Variants in KCNN2 observed in about 807,000 individuals in gnomAD.
KCNN2 encodes the protein small conductance calcium-activated potassium channel protein 2.
Under a neutral mutation model 55.5 loss-of-function variants are expected in KCNN2, and 24 were observed. The observed-to-expected ratio is 0.43, with a 90% confidence interval of 0.31 to 0.61. The LOEUF (loss-of-function observed/expected upper bound fraction) is 0.61. KCNN2 is among the 20% of genes least tolerant of loss of function. KCNN2 has a pLI of 0.08. For missense variants in KCNN2, 754 were observed against 853.6 expected, an observed-to-expected ratio of 0.88 and a Z score of 1.45; for synonymous variants, 431 against 336.1, an observed-to-expected ratio of 1.28 and a Z score of -3.09.
At chr5:114,113,875 G>T (rs945815562) in intron 1 of KCNN2, among the ~76,000 whole-genome samples, 3 of 152,070 alleles carry the variant, frequency 2.0e-5, no homozygotes, top group Non-Finnish European at 4.4e-5. Context: ...TTTTAGTCAG[G>T]TAAAGGAAGT....
chr5:114,289,922 C>G (rs972970301), intron 2 of KCNN2, among the ~76,000 whole-genome samples: 1 of 152,076 alleles, frequency 6.6e-6, no homozygotes, highest in Non-Finnish European at 1.5e-5. Context: ...CTTTTGGGTA[C>G]TATTGTAAAT....
At chr5:114,264,648 A>G (rs920813184) in intron 2 of KCNN2, among the ~76,000 whole-genome samples, 15 of 152,194 alleles carry the variant, frequency 9.9e-5, no homozygotes, top group African/African-American at 3.6e-4. Context: ...AAAGATTTTA[A>G]GAGTTGCCAA....
In KCNN2 at chr5:114,132,265, T is replaced by A. The variant is rs1752086168; in HGVS notation, c.-271+75765T>A. 3.3e-5 allele frequency among the ~76,000 whole-genome samples: 5 copies of A among 152,156 alleles called. No homozygotes were observed. The South Asian group carries it at 1.0e-3, about 32-fold the overall frequency. On this transcript the variant is annotated intron_variant, in intron 1 of 10. Coordinates refer to the KCNN2 transcript ENST00000512097. ...CTTCTAGGGCTTTTATGGTTTTGGG[T>A]TTTACATTTAAGTCTTTAATCCCTC... is the stretch of plus-strand genomic sequence containing the variant.
intron 2 of KCNN2, among the ~76,000 whole-genome samples, chr5:114,393,486 C>T (rs917934529): frequency 6.6e-6 from 1 of 151,978 alleles, no homozygotes; most frequent in African/African-American, 2.4e-5. Context: ...GTCTGACAAC[C>T]TCATTTATTC....
At chr5:114,450,643 C>T (rs1345882580) in intron 3 of KCNN2, among the ~76,000 whole-genome samples, 3 of 152,182 alleles carry the variant, frequency 2.0e-5, no homozygotes, top group Non-Finnish European at 2.9e-5. Flanking sequence ...ATGAAGCCAG[C>T]TCCAGATTGT....
chr5:114,105,893 G>A (rs1363511935), intron 1 of KCNN2, among the ~76,000 whole-genome samples: 1 of 151,680 alleles, frequency 6.6e-6, no homozygotes, highest in Non-Finnish European at 1.5e-5. Context: ...ATCATTTCTT[G>A]TTATACTTAT....
intron 1 of KCNN2, among the ~76,000 whole-genome samples, chr5:114,163,403 A>T (rs1025405149): frequency 7.2e-5 from 11 of 152,190 alleles, no homozygotes; most frequent in African/African-American, 2.2e-4. Context: ...TTGTCTATTC[A>T]GTATGATATT....
chr5:114,111,863 C>G (rs999400014), intron 1 of KCNN2, among the ~76,000 whole-genome samples: 1 of 152,136 alleles, frequency 6.6e-6, no homozygotes, highest in Non-Finnish European at 1.5e-5. Flanking sequence ...AATGGGAACA[C>G]TTTTACACTG....
intron 1 of KCNN2, among the ~76,000 whole-genome samples, chr5:114,109,312 T>C (rs1288245140): frequency 2.0e-5 from 3 of 152,086 alleles, no homozygotes; most frequent in Non-Finnish European, 4.4e-5. Context: ...GTCATTAAGG[T>C]CTGGCAGCAG....
chr5:114,216,981 A>G (rs562411823), intron 1 of KCNN2, among the ~76,000 whole-genome samples: 20 of 152,306 alleles, frequency 1.3e-4, no homozygotes, highest in Non-Finnish European at 2.2e-4. Context: ...AACATGTGGA[A>G]TGTGAAATTT....
chr5:114,248,406 T>C (rs1296214556), intron 2 of KCNN2, among the ~76,000 whole-genome samples: 2 of 152,256 alleles, frequency 1.3e-5, no homozygotes, highest in Non-Finnish European at 2.9e-5. Context: ...TTGACCAACA[T>C]TGAAAAGAAC....
intron 2 of KCNN2, among the ~76,000 whole-genome samples, chr5:114,401,294 A>C (rs1442430768): frequency 6.6e-6 from 1 of 152,206 alleles, no homozygotes; most frequent in Admixed American, 6.5e-5. Flanking sequence ...ACCAAAGAGG[A>C]AAGTTATCTG....
chr5:114,376,593 C>T (rs1757954824), intron 2 of KCNN2, among the ~76,000 whole-genome samples: 2 of 152,334 alleles, frequency 1.3e-5, no homozygotes, highest in South Asian at 4.1e-4. Context: ...GCTGCATTTG[C>T]AGGCTGAATG....
chr5:114,101,029 T>G (rs192032985), intron 1 of KCNN2, among the ~76,000 whole-genome samples: 56 of 152,186 alleles, frequency 3.7e-4, no homozygotes, highest in Admixed American at 1.6e-3. Context: ...CATTAAGTGC[T>G]TTAATAACTT....
At chr5:114,182,011 G>T (rs1753249688) in intron 1 of KCNN2, among the ~76,000 whole-genome samples, 1 of 72,962 alleles carries the variant, frequency 1.4e-5, no homozygotes, top group Non-Finnish European at 2.8e-5. Context: ...GAGAAGCTGT[G>T]TCAAAAAAAA....
intron 1 of KCNN2, among the ~76,000 whole-genome samples, chr5:114,078,892 G>T (rs1750740134): frequency 6.6e-6 from 1 of 152,184 alleles, no homozygotes; most frequent in Non-Finnish European, 1.5e-5. Context: ...ATCATGTGCA[G>T]ATGGGGTATT....
At chr5:114,449,684 A>G (rs992353494) in intron 3 of KCNN2, among the ~76,000 whole-genome samples, 3 of 152,172 alleles carry the variant, frequency 2.0e-5, no homozygotes, top group Admixed American at 6.5e-5. Context: ...CCTGACTTTT[A>G]TATCTTCAAA....
intron 3 of KCNN2, among the ~76,000 whole-genome samples, chr5:114,449,858 A>G (rs140247921): frequency 1.5e-4 from 23 of 148,624 alleles, no homozygotes; most frequent in African/African-American, 4.7e-4. Flanking sequence ...TTGGATTTAG[A>G]ATAGAGTAAG....
chr5:114,075,052 A>G (rs950886538), intron 1 of KCNN2, among the ~76,000 whole-genome samples: 2 of 152,160 alleles, frequency 1.3e-5, no homozygotes, highest in African/African-American at 4.8e-5. Context: ...ACCCCTTAGC[A>G]CTATGCCCAG....
Sources: allele counts gnomAD v4.1 joint callset (sites outside exome capture counted in the v4.1 genomes callset), GRCh38; gene constraint gnomAD v4.1.1; transcripts MANE v1.5; gene names NCBI Gene and HGNC (gene_info 2026-07-23, HGNC 2026-07-21).